Variants in AEBP2 observed in about 807,000 individuals in gnomAD.
AEBP2 encodes the protein AE binding protein 2.
AEBP2 carries 10 observed loss-of-function variants against 50.8 expected under a neutral mutation model. That is an observed-to-expected ratio of 0.20 (90% confidence interval 0.12 to 0.33). The LOEUF is 0.33. Ranked by LOEUF, AEBP2 falls within the 10% of genes least tolerant of loss-of-function variation. The probability of loss-of-function intolerance (pLI) is 1.00; values close to 1 mark genes in which losing one functional copy is unlikely to be tolerated. For missense variants in AEBP2, 570 were observed against 688.0 expected (o/e 0.83, Z 1.92); for synonymous variants, 296 against 261.3 (o/e 1.13, Z -1.28).
chr12:19,414,282 A>T (rs1452488361), intron 1 of AEBP2, among the ~76,000 whole-genome samples: 2 of 152,100 alleles, frequency 1.3e-5, no homozygotes, highest in Admixed American at 6.6e-5. Context: ...ACAGCCCCGT[A>T]GGTTTCAGCC....
Position 19,408,007 on chromosome 12 carries a change from C to T in AEBP2, c.-17+3791C>T, listed in dbSNP as rs57410099. 5.7e-3 allele frequency among the ~76,000 whole-genome samples: 864 copies of T among 150,742 alleles called. 7 individuals are homozygous for T. Among genetic ancestry groups the T allele is most frequent in the African/African-American group, 0.017 (679 of 41,020 alleles). On this transcript the variant is annotated intron_variant, in intron 1 of 3. Transcript: ENST00000538425. ...CGGAGGTTATAGTGAGCTGAGATTGCGCCATTGCACTCCAGCCTGGGCAAC... is the reference window on the plus strand; with the variant it reads ...CGGAGGTTATAGTGAGCTGAGATTGTGCCATTGCACTCCAGCCTGGGCAAC...
intron 1 of AEBP2, among the ~76,000 whole-genome samples, chr12:19,457,858 A>G (rs1202010649): frequency 6.6e-6 from 1 of 152,212 alleles, no homozygotes; most frequent in Non-Finnish European, 1.5e-5. Context: ...TACTGAATGC[A>G]GAATCTGCAT....
intron 1 of AEBP2, among the ~76,000 whole-genome samples, chr12:19,445,353 C>G (rs887146141): frequency 1.3e-5 from 2 of 150,976 alleles, no homozygotes; most frequent in Non-Finnish European, 2.9e-5. Flanking sequence ...CGCATGCCAC[C>G]GTGCCCTGCT....
rs1194445496 is a variant in AEBP2, at chr12:19,471,302, A to G, written c.880-1946A>G. Among the ~76,000 whole-genome samples the G allele has an allele frequency of 2.0e-5, 3 of 152,252 alleles. No individual in the cohort carries two copies. In the East Asian group the frequency reaches 5.8e-4, roughly 29 times the overall value. On this transcript the variant is annotated intron_variant, in intron 2 of 7. Transcript: ENST00000266508. ...CCTGGTTAATTTTTGTATATTTTGT[A>G]TAGACAGGGTTATGGCATGTTGCCC...
intron 3 of AEBP2, among the ~76,000 whole-genome samples, chr12:19,484,357 A>G (rs1334026549): frequency 6.8e-6 from 1 of 147,386 alleles, no homozygotes; most frequent in Non-Finnish European, 1.5e-5. Flanking sequence ...CCTTGGTCTC[A>G]GAGAAGTTAC....
At chr12:19,507,504 G>A (rs1177030169) in intron 5 of AEBP2, among the ~76,000 whole-genome samples, 2 of 152,196 alleles carry the variant, frequency 1.3e-5, no homozygotes, top group African/African-American at 4.8e-5. Flanking sequence ...TTTGAGCTAT[G>A]GAAAACATCT....
chr12:19,468,323 T>C (rs776840517), intron 2 of AEBP2, among the ~76,000 whole-genome samples: 29 of 152,138 alleles, frequency 1.9e-4, no homozygotes, highest in Non-Finnish European at 3.4e-4. Flanking sequence ...ATGGTGTCTC[T>C]CTTTTCTTTT....
rs748095646 is a variant in AEBP2, at chr12:19,440,159, G to C, written c.460G>C (p.Gly154Arg). 1 of 1,504,410 alleles carries C rather than the reference G, an allele frequency of 6.6e-7. No homozygotes were observed. The highest frequency in any genetic ancestry group is 8.8e-7 in the Non-Finnish European group (1 of 1,133,828). 93.2% of individuals were successfully genotyped at this position (1,504,410 alleles called of 1,614,324 possible). ...AASSSSGDGD[G>R]KEGLEEPKGP... is the part of the protein sequence containing the mutation. Reference sequence around the variant, plus strand: ...CAGCAGCAGCAGCGGGGATGGGGACGGCAAGGAGGGCCTGGAGGAGCCCAA... The same window carrying C: ...CAGCAGCAGCAGCGGGGATGGGGACCGCAAGGAGGGCCTGGAGGAGCCCAA... Residue 154 changes from glycine to arginine, a missense_variant, in exon 1 of 8, where the codon GGC (glycine) becomes CGC (arginine). Physicochemically the swap from Gly to Arg is moderately radical, Grantham distance 125 (BLOSUM62 -2). Around this residue, in one of 2 missense-constraint regions of AEBP2, gnomAD observed 386 missense variants for 336.8 expected, o/e 1.15. Transcript: ENST00000266508.
chr12:19,451,666 T>C (rs1430345167), intron 1 of AEBP2, among the ~76,000 whole-genome samples: 2 of 148,340 alleles, frequency 1.3e-5, no homozygotes, highest in Non-Finnish European at 3.0e-5. Flanking sequence ...ATGGGGTCTT[T>C]CAAAAGTGAC....
Position 19,488,483 on chromosome 12 carries a change from G to A in AEBP2, c.988-5317G>A, listed in dbSNP as rs577738370. On this transcript the variant is annotated intron_variant, in intron 3 of 7. Transcript: ENST00000266508. ...TGGCAGATTCTGAATTTCAGAGGCA[G>A]AAAGAATCCGGGGTTGTTAATTATG... Among the ~76,000 whole-genome samples the A allele has an allele frequency of 1.3e-4, 20 of 152,184 alleles. No homozygotes were observed. In the East Asian group the frequency reaches 3.9e-3, roughly 29 times the overall value.
chr12:19,471,567 T>C (rs1948573930), intron 2 of AEBP2, among the ~76,000 whole-genome samples: 1 of 152,086 alleles, frequency 6.6e-6, no homozygotes, highest in East Asian at 1.9e-4. Context: ...AGTAGTGCCA[T>C]CATGGCTCAC....
chr12:19,514,245 C>T (rs749117566), intron 6 of AEBP2, among the ~76,000 whole-genome samples: 5 of 152,010 alleles, frequency 3.3e-5, no homozygotes, highest in African/African-American at 4.8e-5. Context: ...AGTTATCTTC[C>T]CCCCTTGGCC....
rs10643072 is a variant in AEBP2, at chr12:19,468,126, TTGTGTGTG to T, written c.880-5098_880-5091del. Among the ~76,000 whole-genome samples the T allele has an allele frequency of 2.7e-3, 393 of 144,064 alleles. 1 individual carries two copies. The highest frequency in any genetic ancestry group is 9.4e-3 in the African/African-American group (368 of 39,176). 94.5% of individuals were successfully genotyped at this position (144,064 alleles called of 152,430 possible). On this transcript the variant is annotated intron_variant, in intron 2 of 7. Coordinates refer to ENST00000266508, the MANE Select transcript of AEBP2 (RefSeq NM_153207.5). ...ATCCATCCAACCCCTCTGCCTGACTTTGTGTGTGTGTGTGTGTGTGTGTGTGTGTGTAT... is the reference window on the plus strand; with the variant it reads ...ATCCATCCAACCCCTCTGCCTGACTTTGTGTGTGTGTGTGTGTGTGTGTAT...
In AEBP2 at chr12:19,518,150, G is replaced by T; in HGVS notation, c.*33G>T. The T allele has an allele frequency of 1.3e-6, 2 of 1,578,332 alleles. No individual in the cohort carries two copies. Among genetic ancestry groups the T allele is most frequent in the East Asian group, 2.3e-5 (1 of 43,470 alleles). On this transcript the variant is annotated 3_prime_UTR_variant, in exon 8 of 8. Transcript: ENST00000266508. ...ATAAATACATAAAAAGCAAACAAGC[G>T]GGGACACCTGCAGTCTTAGTCACTG...
At chr12:19,463,917 C>T (rs1005406129) in intron 2 of AEBP2, among the ~76,000 whole-genome samples, 4 of 152,118 alleles carry the variant, frequency 2.6e-5, no homozygotes, top group Admixed American at 6.6e-5. Context: ...CCGCCCACCT[C>T]GGCCTCCCAG....
At chr12:19,459,523 G>A (rs538798511) in intron 1 of AEBP2, among the ~76,000 whole-genome samples, 2 of 152,242 alleles carry the variant, frequency 1.3e-5, no homozygotes, top group South Asian at 2.1e-4. Flanking sequence ...GAGCCACCGC[G>A]CCCGGCCGGG....
intron 6 of AEBP2, among the ~76,000 whole-genome samples, chr12:19,513,289 GC>G (rs1949263873): frequency 6.6e-6 from 1 of 151,264 alleles, no homozygotes; most frequent in Non-Finnish European, 1.5e-5. Context: ...AAGTTTTAGT[GC>G]CCATTTAGAG....
intron 1 of AEBP2, among the ~76,000 whole-genome samples, chr12:19,445,370 C>CTTTTTTTT (rs55898072): frequency 2.9e-5 from 4 of 135,608 alleles, no homozygotes; most frequent in East Asian, 2.1e-4. Flanking sequence ...TGCTCGTTTT[C>CTTTTTTTT]TTTTTTTTTT....
intron 3 of AEBP2, among the ~76,000 whole-genome samples, chr12:19,488,024 A>G (rs1024205465): frequency 6.6e-6 from 1 of 152,066 alleles, no homozygotes; most frequent in Non-Finnish European, 1.5e-5. Flanking sequence ...ATATTATTAT[A>G]TTACATATTT....
Sources: gnomAD v4.1 joint callset for allele counts (sites outside exome capture counted in the v4.1 genomes callset) on GRCh38, gnomAD v4.1.1 for gene constraint, gnomAD v4.1.1 regional missense constraint, MANE v1.5 for transcripts, NCBI Gene and HGNC (gene_info 2026-07-23, HGNC 2026-07-21) for gene names.